Variants in PRMT8 observed in about 807,000 individuals in gnomAD.
PRMT8 encodes protein arginine methyltransferase 8.
A neutral mutation model predicts 47.1 loss-of-function variants in PRMT8; 7 were observed. That is an observed-to-expected ratio of 0.15 (90% confidence interval 0.08 to 0.28). The LOEUF is 0.28. Ranked by LOEUF, PRMT8 falls within the 10% of genes least tolerant of loss-of-function variation. The pLI, the probability that PRMT8 is intolerant of heterozygous loss-of-function variation, is 1.00. For synonymous variants in PRMT8, 188 were observed against 186.5 expected (o/e 1.01, Z -0.07); for missense variants, 237 against 505.4 (o/e 0.47, Z 5.09).
rs1380266217 is a variant in PRMT8 at position 3,576,305 on chromosome 12, C to T, written c.713-566C>T. On this transcript the variant is annotated intron_variant, in intron 6 of 9. Coordinates refer to ENST00000382622, the MANE Select transcript of PRMT8 (RefSeq NM_019854.5). The surrounding 1 kb of genome is among the most constrained non-coding windows in gnomAD (Gnocchi z 4.0). ...GTTCAGAGAGGTTAGGTCATTTGTA[C>T]AAAGGCTGACCAGTAAGTGGTGGTG... Among the ~76,000 whole-genome samples, 1 of 152,168 alleles carries T rather than the reference C, an allele frequency of 6.6e-6. No homozygotes were observed. The highest frequency in any genetic ancestry group is 1.5e-5 in the Non-Finnish European group (1 of 68,036).
intron 7 of PRMT8, among the ~76,000 whole-genome samples, chr12:3,577,389 A>C (rs1433710519): frequency 6.6e-6 from 1 of 152,136 alleles, no homozygotes; most frequent in African/African-American, 2.4e-5. Context: ...AATCATCATC[A>C]TGCTCTTGCC....
intron 1 of PRMT8, among the ~76,000 whole-genome samples, chr12:3,509,544 A>G (rs1298503675): frequency 2.0e-5 from 3 of 152,198 alleles, no homozygotes; most frequent in Non-Finnish European, 4.4e-5. Flanking sequence ...GAACCCCAGC[A>G]TCTACCACGA....
At position 3,462,555 on chromosome 12, in the gene PRMT8, A is replaced by G. The variant is rs74445243; in HGVS notation, c.49-78051A>G. On this transcript the variant is annotated intron_variant, in intron 1 of 9. Coordinates refer to the PRMT8 transcript ENST00000452611. ...AATGAATATATAGCTCAAAAGAAGGAGTGGGACATGATTGCTCTCATTTTA... is the reference window on the plus strand; with the variant it reads ...AATGAATATATAGCTCAAAAGAAGGGGTGGGACATGATTGCTCTCATTTTA... 5.7e-3 allele frequency among the ~76,000 whole-genome samples: 873 copies of G among 152,092 alleles called. 20 individuals carry two copies. The highest frequency in any genetic ancestry group is 0.02 in the African/African-American group (832 of 41,366).
intron 1 of PRMT8, among the ~76,000 whole-genome samples, chr12:3,481,638 T>A (rs2137101809): frequency 6.6e-6 from 1 of 152,186 alleles, no homozygotes; most frequent in East Asian, 1.9e-4. Context: ...ACCTCGAGGT[T>A]ATGGAGTATT....
chr12:3,412,790 T>A (rs1160386760), intron 1 of PRMT8, among the ~76,000 whole-genome samples: 1 of 152,214 alleles, frequency 6.6e-6, no homozygotes, highest in Non-Finnish European at 1.5e-5. Context: ...GATTTTTGTA[T>A]TTTTAGTAGA....
At chr12:3,467,440 C>T (rs917539709) in intron 1 of PRMT8, among the ~76,000 whole-genome samples, 24 of 151,960 alleles carry the variant, frequency 1.6e-4, no homozygotes, top group Non-Finnish European at 2.8e-4. Flanking sequence ...GCTGATTGTC[C>T]CCAATCCTGA....
At chr12:3,455,512 A>T (rs1864964866) in intron 1 of PRMT8, among the ~76,000 whole-genome samples, 1 of 151,878 alleles carries the variant, frequency 6.6e-6, no homozygotes, top group East Asian at 1.9e-4. Flanking sequence ...TCCCCTTGCC[A>T]CCCTGAACAA....
intron 1 of PRMT8, among the ~76,000 whole-genome samples, chr12:3,510,820 C>T (rs1865700774): frequency 6.6e-6 from 1 of 152,190 alleles, no homozygotes; most frequent in Non-Finnish European, 1.5e-5. Flanking sequence ...GAGTGCACTC[C>T]ACGTAATCCA....
intron 1 of PRMT8, among the ~76,000 whole-genome samples, chr12:3,440,403 A>G (rs897989743): frequency 1.3e-5 from 2 of 152,182 alleles, no homozygotes; most frequent in Non-Finnish European, 2.9e-5. Flanking sequence ...CAGAGGTTGC[A>G]GTGAGCCAAG....
intron 1 of PRMT8, among the ~76,000 whole-genome samples, chr12:3,433,121 T>A (rs575083332): frequency 6.6e-6 from 1 of 152,324 alleles, no homozygotes; most frequent in East Asian, 1.9e-4. Context: ...TGGTGGTAGC[T>A]TACTTCCCAC....
rs1430704589 is a variant in PRMT8, at chr12:3,492,892, C to G, written c.75+1192C>G. ...CTGCCGCACATTTCACATATGGTTACCCATATGCAGCGGGGGGCGGGGATG... is the reference window on the plus strand; with the variant it reads ...CTGCCGCACATTTCACATATGGTTAGCCATATGCAGCGGGGGGCGGGGATG... On this transcript the variant is annotated intron_variant, in intron 1 of 9. Transcript: ENST00000382622. The surrounding 1 kb of genome is among the most constrained non-coding windows in gnomAD (Gnocchi z 7.5). Among the ~76,000 whole-genome samples, 1 of 152,038 alleles carries G rather than the reference C, an allele frequency of 6.6e-6. No homozygotes were observed. Among genetic ancestry groups the G allele is most frequent in the Non-Finnish European group, 1.5e-5 (1 of 67,994 alleles).
At position 3,456,706 on chromosome 12, in the gene PRMT8, G is replaced by C. The variant is rs376662218; in HGVS notation, c.48+75264G>C. 3.3e-4 allele frequency among the ~76,000 whole-genome samples: 51 copies of C among 152,276 alleles called. No individual in the cohort carries two copies. Among genetic ancestry groups the C allele is most frequent in the African/African-American group, 1.1e-3 (45 of 41,544 alleles). On this transcript the variant is annotated intron_variant, in intron 1 of 9. Coordinates refer to the PRMT8 transcript ENST00000452611. The surrounding 1 kb of genome is among the most constrained non-coding windows in gnomAD (Gnocchi z 4.2). Reference sequence around the variant, plus strand: ...TGAGCTAGTTTGGCCTGGAGGGGAGGGCAGTGAGGAACCCGTGAGAAGGGG... The same window carrying C: ...TGAGCTAGTTTGGCCTGGAGGGGAGCGCAGTGAGGAACCCGTGAGAAGGGG...
At chr12:3,496,496 G>T (rs1865512923) in intron 1 of PRMT8, among the ~76,000 whole-genome samples, 1 of 151,756 alleles carries the variant, frequency 6.6e-6, no homozygotes, top group Non-Finnish European at 1.5e-5. Context: ...AGTTCTCTGA[G>T]GATGGTCTTC....
chr12:3,542,494 G>A (rs1034079621), intron 2 of PRMT8, among the ~76,000 whole-genome samples: 3 of 152,204 alleles, frequency 2.0e-5, no homozygotes, highest in Non-Finnish European at 4.4e-5. Context: ...TCAAGACCTT[G>A]TCCCTAATTA....
chr12:3,521,993 C>T (rs1365985093), intron 1 of PRMT8, among the ~76,000 whole-genome samples: 4 of 152,308 alleles, frequency 2.6e-5, no homozygotes, highest in South Asian at 2.1e-4. Context: ...TTACCACACC[C>T]CTTGGCATCC....
intron 1 of PRMT8, among the ~76,000 whole-genome samples, chr12:3,381,644 T>C (rs996905327): frequency 8.5e-5 from 13 of 152,216 alleles, no homozygotes; most frequent in Admixed American, 2.0e-4. Context: ...ACTGGTGCTT[T>C]TGTTTCAATT....
At chr12:3,523,088 G>A (rs1303123466) in intron 1 of PRMT8, among the ~76,000 whole-genome samples, 1 of 152,132 alleles carries the variant, frequency 6.6e-6, no homozygotes, top group Non-Finnish European at 1.5e-5. Context: ...TGCCTGCCAA[G>A]TCTTACAGTG....
chr12:3,450,686 A>G (rs1157438985), intron 1 of PRMT8, among the ~76,000 whole-genome samples: 1 of 152,246 alleles, frequency 6.6e-6, no homozygotes, highest in East Asian at 1.9e-4. Context: ...TCAATTCCAC[A>G]CTGCTTTTCC....
intron 4 of PRMT8, among the ~76,000 whole-genome samples, chr12:3,554,057 T>C (rs1050819172): frequency 6.6e-6 from 1 of 151,922 alleles, no homozygotes; most frequent in Non-Finnish European, 1.5e-5. Context: ...TCCTCTTCCC[T>C]CCCTCTCCAT....
Sources: gnomAD v4.1 joint callset for allele counts (sites outside exome capture counted in the v4.1 genomes callset) on GRCh38, gnomAD v4.1.1 for gene constraint, Gnocchi (gnomAD v3.1) non-coding constraint, MANE v1.5 for transcripts, NCBI Gene and HGNC (gene_info 2026-07-23, HGNC 2026-07-21) for gene names.